L3MBTL4: variants seen among roughly 807,000 people sequenced by gnomAD.
L3MBTL4 encodes lethal(3)malignant brain tumor-like protein 4.
In L3MBTL4, 70 loss-of-function variants were observed where a neutral mutation model predicts 84.5. The ratio of observed to expected loss-of-function variants is 0.83; its 90% CI spans 0.68 to 1.01. The LOEUF (loss-of-function observed/expected upper bound fraction) is 1.01, where lower values mean the gene tolerates loss of function less well. Ranked by LOEUF, L3MBTL4 falls within the 50% of genes least tolerant of loss-of-function variation. L3MBTL4 has a pLI of 0.00. For synonymous variants in L3MBTL4, 274 were observed against 259.8 expected, an observed-to-expected ratio of 1.05 and a Z score of -0.52; for missense variants, 715 against 754.8, an observed-to-expected ratio of 0.95 and a Z score of 0.62.
chr18:5,957,945 T>TA (rs1331301453), intron 18 of L3MBTL4, among the ~76,000 whole-genome samples: 7 of 115,192 alleles, frequency 6.1e-5, no homozygotes, highest in Non-Finnish European at 1.2e-4. Context: ...GGGCAACAGA[T>TA]AGAGACTCCA....
intron 10 of L3MBTL4, among the ~76,000 whole-genome samples, chr18:6,221,842 G>A (rs922974184): frequency 4.6e-5 from 7 of 152,136 alleles, no homozygotes; most frequent in East Asian, 3.9e-4. Context: ...CCAAATATCC[G>A]GGCCTCCAAT....
At chr18:6,090,548 GAA>G (rs1174823368) in intron 15 of L3MBTL4, among the ~76,000 whole-genome samples, 1 of 149,090 alleles carries the variant, frequency 6.7e-6, no homozygotes, top group Non-Finnish European at 1.5e-5. Flanking sequence ...TGAATTACAA[GAA>G]GTCTGGATAT....
intron 1 of L3MBTL4, among the ~76,000 whole-genome samples, chr18:6,380,320 G>A (rs1277953414): frequency 1.3e-5 from 2 of 152,058 alleles, no homozygotes; most frequent in African/African-American, 4.8e-5. Flanking sequence ...ATCTCCTTCA[G>A]TTCTGCTCTA....
At chr18:6,389,466 T>C (rs1297258408) in intron 1 of L3MBTL4, among the ~76,000 whole-genome samples, 1 of 151,986 alleles carries the variant, frequency 6.6e-6, no homozygotes, top group Non-Finnish European at 1.5e-5. Context: ...ACAAGGAACA[T>C]AAATTGCCTA....
chr18:6,170,724 G>A (rs1386299855), intron 13 of L3MBTL4, among the ~76,000 whole-genome samples: 1 of 152,034 alleles, frequency 6.6e-6, no homozygotes, highest in Non-Finnish European at 1.5e-5. Context: ...AGGCATGGAT[G>A]TACAGGGGTG....
intron 16 of L3MBTL4, among the ~76,000 whole-genome samples, chr18:6,037,414 C>T (rs1202331031): frequency 6.6e-6 from 1 of 152,208 alleles, no homozygotes; most frequent in African/African-American, 2.4e-5. Context: ...TTGCATCAGA[C>T]AGATTCTGCC....
At position 5,978,540 on chromosome 18, in the gene L3MBTL4, G is replaced by C. The variant is rs867060542; in HGVS notation, c.1445-8978C>G. 1.2e-4 allele frequency among the ~76,000 whole-genome samples: 18 copies of C among 152,272 alleles called. No individual in the cohort carries two copies. The South Asian group carries it at 3.7e-3, about 32-fold the overall frequency. ...CAGCATCAACCTGACCAGGAGACTG[G>C]AGTGGCTCTTATTTTGAAGTTTCTT... is the stretch of plus-strand genomic sequence containing the variant. On this transcript the variant is annotated intron_variant, in intron 16 of 18. Transcript: ENST00000317931.
chr18:6,212,293 T>C (rs1298403642), intron 12 of L3MBTL4, among the ~76,000 whole-genome samples: 1 of 152,224 alleles, frequency 6.6e-6, no homozygotes, highest in African/African-American at 2.4e-5. Context: ...TCTCTATAAA[T>C]TGAATCAGAT....
At chr18:6,105,161 T>C (rs1301247336) in intron 14 of L3MBTL4, among the ~76,000 whole-genome samples, 3 of 151,238 alleles carry the variant, frequency 2.0e-5, no homozygotes, top group Admixed American at 6.6e-5. Flanking sequence ...TTTTCAAGTA[T>C]ATGTTGTTGA....
chr18:6,315,437 C>T (rs1350874601), intron 1 of L3MBTL4, among the ~76,000 whole-genome samples: 2 of 152,112 alleles, frequency 1.3e-5, no homozygotes, highest in African/African-American at 2.4e-5. Flanking sequence ...TCCTCATGTA[C>T]CAGGCATAGC....
intron 14 of L3MBTL4, among the ~76,000 whole-genome samples, chr18:6,104,963 A>G (rs978953909): frequency 3.3e-5 from 5 of 152,120 alleles, no homozygotes; most frequent in Non-Finnish European, 5.9e-5. Flanking sequence ...AGAAATCTTC[A>G]TGAAATCTTA....
intron 16 of L3MBTL4, among the ~76,000 whole-genome samples, chr18:6,009,608 A>G (rs1265106371): frequency 6.6e-6 from 1 of 152,330 alleles, no homozygotes; most frequent in East Asian, 1.9e-4. Context: ...TCTGCACACA[A>G]CCTATGCACA....
chr18:6,182,871 A>G (rs2044542878), intron 12 of L3MBTL4, among the ~76,000 whole-genome samples: 1 of 152,180 alleles, frequency 6.6e-6, no homozygotes, highest in African/African-American at 2.4e-5. Flanking sequence ...CCACAGTTCT[A>G]TCTAATGCCA....
At chr18:6,236,749 T>C (rs886761596) in intron 10 of L3MBTL4, among the ~76,000 whole-genome samples, 3 of 152,240 alleles carry the variant, frequency 2.0e-5, no homozygotes, top group Admixed American at 2.0e-4. Context: ...TCATAAACCT[T>C]TCTAGACCAA....
intron 16 of L3MBTL4, among the ~76,000 whole-genome samples, chr18:6,048,542 A>T (rs1489252394): frequency 6.6e-6 from 1 of 152,082 alleles, no homozygotes; most frequent in Non-Finnish European, 1.5e-5. Context: ...CACATCTGTC[A>T]TCCCAGCACT....
chr18:5,999,890 T>C (rs1318141014), intron 16 of L3MBTL4, among the ~76,000 whole-genome samples: 1 of 152,152 alleles, frequency 6.6e-6, no homozygotes, highest in Admixed American at 6.5e-5. Flanking sequence ...CTGGACTTAG[T>C]TTTGTTCAAG....
At chr18:6,231,202 T>A (rs1417995353) in intron 10 of L3MBTL4, among the ~76,000 whole-genome samples, 3 of 152,210 alleles carry the variant, frequency 2.0e-5, no homozygotes, top group Non-Finnish European at 4.4e-5. Flanking sequence ...ATAGTTTTTA[T>A]ACTTGTAGGT....
chr18:6,231,918 T>A (rs1599256171), intron 10 of L3MBTL4, among the ~76,000 whole-genome samples: 1 of 151,808 alleles, frequency 6.6e-6, no homozygotes, highest in East Asian at 1.9e-4. Context: ...TCAGGCTAGA[T>A]CTATGCTGAA....
intron 1 of L3MBTL4, among the ~76,000 whole-genome samples, chr18:6,354,437 A>G (rs1278110482): frequency 6.6e-6 from 1 of 152,220 alleles, no homozygotes; most frequent in African/African-American, 2.4e-5. Context: ...ATGGGATCAC[A>G]TCAAGTTAAA....
Sources: gnomAD v4.1 joint callset for allele counts (sites outside exome capture counted in the v4.1 genomes callset) on GRCh38, gnomAD v4.1.1 for gene constraint, MANE v1.5 for transcripts, NCBI Gene and HGNC (gene_info 2026-07-23, HGNC 2026-07-21) for gene names.